SLC4A4: variants seen among roughly 807,000 people sequenced by gnomAD.
The protein encoded by SLC4A4 is electrogenic sodium bicarbonate cotransporter 1.
Under a neutral mutation model 111.5 loss-of-function variants are expected in SLC4A4, and 27 were observed. That is an observed-to-expected ratio of 0.24 (90% CI 0.18 to 0.33). SLC4A4 has a LOEUF of 0.33. Ranked by LOEUF, SLC4A4 falls within the 10% of genes least tolerant of loss-of-function variation. SLC4A4 has a pLI of 1.00. For missense variants in SLC4A4, 909 were observed against 1,315.5 expected, an observed-to-expected ratio of 0.69 and a Z score of 4.78; for synonymous variants, 443 against 463.4, an observed-to-expected ratio of 0.96 and a Z score of 0.57.
chr4:71,492,134 C>A (rs1045398331), intron 15 of SLC4A4, among the ~76,000 whole-genome samples: 1 of 151,354 alleles, frequency 6.6e-6, no homozygotes, highest in African/African-American at 2.4e-5. Flanking sequence ...AAAAACCATT[C>A]TGTCCTTAAA....
chr4:71,455,333 T>C (rs1259359804), intron 12 of SLC4A4, among the ~76,000 whole-genome samples: 1 of 152,176 alleles, frequency 6.6e-6, no homozygotes, highest in Non-Finnish European at 1.5e-5. Context: ...ACAGAGCATG[T>C]TTTTCTCCTT....
At chr4:71,279,083 T>C (rs543557650) in intron 3 of SLC4A4, among the ~76,000 whole-genome samples, 1 of 152,232 alleles carries the variant, frequency 6.6e-6, no homozygotes, top group Non-Finnish European at 1.5e-5. Flanking sequence ...TTTTGTGTGA[T>C]GAGAACACTT....
At chr4:71,093,147 G>C (rs1187897866) in intron 2 of SLC4A4, among the ~76,000 whole-genome samples, 1 of 151,914 alleles carries the variant, frequency 6.6e-6, no homozygotes, top group Admixed American at 6.6e-5. Context: ...CTTGTATTTT[G>C]ACCTCTTTTG....
Position 71,120,633 on chromosome 4 carries a change from C to T in SLC4A4, c.-2+27841C>T, listed in dbSNP as rs552849147. Among the ~76,000 whole-genome samples, 77 of 152,282 alleles carry T rather than the reference C, an allele frequency of 5.1e-4. 1 individual carries two copies. Among genetic ancestry groups the T allele is most frequent in the Admixed American group, 2.9e-3 (44 of 15,302 alleles). On this transcript the variant is annotated intron_variant, in intron 2 of 26. Transcript: ENST00000649996. ...CTGTAATCCCAGCACTTTGGGAGGC[C>T]GAGGTGGGAGGATCTCCTGAGGTCA...
intron 1 of SLC4A4, among the ~76,000 whole-genome samples, chr4:71,209,395 G>T (rs553672633): frequency 6.6e-6 from 1 of 152,232 alleles, no homozygotes; most frequent in Non-Finnish European, 1.5e-5. Flanking sequence ...CTACAAGGAT[G>T]TTGCAAGAAC....
intron 9 of SLC4A4, 57 bp from the exon 10 acceptor site, chr4:71,450,332 T>C: frequency 8.4e-7 from 1 of 1,190,174 alleles, no homozygotes; most frequent in Non-Finnish European, 1.3e-6. Context: ...CTTGATATGG[T>C]GTGAAGCATG....
chr4:71,091,398 A>G (rs71599982), intron 1 of SLC4A4, among the ~76,000 whole-genome samples: 13,869 of 151,054 alleles, frequency 0.092, 788 homozygotes, highest in African/African-American at 0.16. Context: ...GACTACAGGC[A>G]CCCGCCACCA....
intron 2 of SLC4A4, among the ~76,000 whole-genome samples, chr4:71,158,281 T>A (rs1744531506): frequency 6.6e-6 from 1 of 152,096 alleles, no homozygotes; most frequent in African/African-American, 2.4e-5. Context: ...GTGACCTGAA[T>A]GAAAGGGCAT....
intron 1 of SLC4A4, among the ~76,000 whole-genome samples, chr4:71,202,619 C>A (rs1746311274): frequency 6.6e-6 from 1 of 152,058 alleles, no homozygotes; most frequent in Non-Finnish European, 1.5e-5. Flanking sequence ...TAATACAACA[C>A]CTTCTTTGAA....
At chr4:71,274,505 T>TG (rs923578730) in intron 3 of SLC4A4, among the ~76,000 whole-genome samples, 5 of 152,168 alleles carry the variant, frequency 3.3e-5, no homozygotes, top group African/African-American at 1.2e-4. Flanking sequence ...TGACAAGCAG[T>TG]GGGGGTCACT....
chr4:71,293,796 C>G (rs1724570352), intron 3 of SLC4A4, among the ~76,000 whole-genome samples: 1 of 152,052 alleles, frequency 6.6e-6, no homozygotes, highest in Non-Finnish European at 1.5e-5. Context: ...TTCTTTCCAC[C>G]TCATGTGTTT....
intron 6 of SLC4A4, among the ~76,000 whole-genome samples, chr4:71,387,938 G>A (rs1377935540): frequency 6.6e-6 from 1 of 152,124 alleles, no homozygotes; most frequent in Non-Finnish European, 1.5e-5. Flanking sequence ...GACACTGTAT[G>A]TGTCCTTGGA....
intron 2 of SLC4A4, among the ~76,000 whole-genome samples, chr4:71,244,555 C>T (rs1720490258): frequency 6.6e-6 from 1 of 152,120 alleles, no homozygotes; most frequent in Non-Finnish European, 1.5e-5. Flanking sequence ...AATTTGAAAT[C>T]CCCCAGGATT....
At chr4:71,382,682 G>A (rs1021646031) in intron 6 of SLC4A4, among the ~76,000 whole-genome samples, 1 of 152,184 alleles carries the variant, frequency 6.6e-6, no homozygotes, top group East Asian at 1.9e-4. Flanking sequence ...TAATGTTATA[G>A]GAGGGAAACT....
rs183681067 is a variant in SLC4A4 at position 71,259,642 on chromosome 4, T to C, written c.253+4243T>C. Among the ~76,000 whole-genome samples, 12 of 152,186 alleles carry C rather than the reference T, an allele frequency of 7.9e-5. No individual in the cohort carries two copies. In the East Asian group the frequency reaches 2.3e-3, roughly 30 times the overall value. On this transcript the variant is annotated intron_variant, in intron 3 of 25. Coordinates refer to ENST00000264485, the MANE Select transcript of SLC4A4 (RefSeq NM_001098484.3). ...CTTTTGCCTCCTCCACTGTGCATTT[T>C]TTTTTTCTAAGTTAGCAGCTGCCAT...
At chr4:71,444,307 G>A (rs1725029541) in intron 8 of SLC4A4, among the ~76,000 whole-genome samples, 1 of 152,142 alleles carries the variant, frequency 6.6e-6, no homozygotes, top group Non-Finnish European at 1.5e-5. Context: ...GAATGCTGGA[G>A]GCATCTTCCG....
intron 2 of SLC4A4, among the ~76,000 whole-genome samples, chr4:71,133,909 T>G (rs941158823): frequency 1.3e-5 from 2 of 152,204 alleles, no homozygotes; most frequent in Admixed American, 1.3e-4. Flanking sequence ...TCAAATACCT[T>G]GCTCTGTCTT....
chr4:71,485,253 G>A (rs1729265385), intron 14 of SLC4A4, among the ~76,000 whole-genome samples: 1 of 151,726 alleles, frequency 6.6e-6, no homozygotes, highest in Non-Finnish European at 1.5e-5. Context: ...CATTCAATAT[G>A]ATGTTGGCTG....
chr4:71,403,074 C>T (rs1720517444), intron 7 of SLC4A4, among the ~76,000 whole-genome samples: 1 of 152,100 alleles, frequency 6.6e-6, no homozygotes, highest in Non-Finnish European at 1.5e-5. Flanking sequence ...TTCTTAAAAG[C>T]TATTTGTCTG....
Sources: gnomAD v4.1 joint callset for allele counts (sites outside exome capture counted in the v4.1 genomes callset) on GRCh38, gnomAD v4.1.1 for gene constraint, MANE v1.5 for transcripts, NCBI Gene and HGNC (gene_info 2026-07-23, HGNC 2026-07-21) for gene names.